SOX5: variants seen among roughly 807,000 people sequenced by gnomAD.
SOX5 encodes the protein transcription factor SOX-5.
A neutral mutation model predicts 92.0 loss-of-function variants in SOX5; 9 were observed. That is an observed-to-expected ratio of 0.10 (90% CI 0.06 to 0.17). The LOEUF (loss-of-function observed/expected upper bound fraction) is 0.17, where lower values mean the gene tolerates loss of function less well. Ranked by LOEUF, SOX5 falls within the 10% of genes least tolerant of loss-of-function variation. The pLI, the probability that SOX5 is intolerant of heterozygous loss-of-function variation, is 1.00. For missense variants in SOX5, 642 were observed against 944.5 expected (o/e 0.68, Z 4.20); for synonymous variants, 344 against 336.3 (o/e 1.02, Z -0.25).
chr12:24,023,381 T>C (rs1954532678), intron 4 of SOX5, among the ~76,000 whole-genome samples: 1 of 152,116 alleles, frequency 6.6e-6, no homozygotes, highest in South Asian at 2.1e-4. Context: ...ATGTTAAATT[T>C]TTCATATTAG....
chr12:24,398,626 G>C (rs1960681004), intron 1 of SOX5, among the ~76,000 whole-genome samples: 2 of 152,126 alleles, frequency 1.3e-5, no homozygotes, highest in South Asian at 4.1e-4. Flanking sequence ...AAAGAATGTT[G>C]AGAAAAAGAA....
chr12:23,653,389 C>A (rs993435673), intron 7 of SOX5, among the ~76,000 whole-genome samples: 1 of 151,812 alleles, frequency 6.6e-6, no homozygotes, highest in African/African-American at 2.4e-5. Flanking sequence ...GACTTGAGAC[C>A]CCTCACACTA....
At chr12:23,908,573 G>T (rs544672367) in intron 1 of SOX5, among the ~76,000 whole-genome samples, 1 of 151,506 alleles carries the variant, frequency 6.6e-6, no homozygotes, top group South Asian at 2.1e-4. Context: ...AGCAAGGAAC[G>T]TATATACAGT....
intron 4 of SOX5, among the ~76,000 whole-genome samples, chr12:24,077,682 T>C (rs1039949057): frequency 2.0e-5 from 3 of 149,778 alleles, no homozygotes; most frequent in African/African-American, 7.4e-5. Flanking sequence ...GCACACAACT[T>C]CAAAAGTCCA....
intron 10 of SOX5, among the ~76,000 whole-genome samples, chr12:23,568,463 C>T (rs1947547760): frequency 1.3e-5 from 2 of 152,162 alleles, no homozygotes; most frequent in Non-Finnish European, 2.9e-5. Context: ...ATCCCAAGAA[C>T]TGTAAAATAA....
At chr12:24,440,170 C>T (rs1474364470) in intron 1 of SOX5, among the ~76,000 whole-genome samples, 1 of 152,146 alleles carries the variant, frequency 6.6e-6, no homozygotes, top group Non-Finnish European at 1.5e-5. Flanking sequence ...CCAGTGCTGG[C>T]TCTTATGGTT....
chr12:23,769,244 A>G (rs2094842336), intron 3 of SOX5, among the ~76,000 whole-genome samples: 1 of 152,068 alleles, frequency 6.6e-6, no homozygotes, highest in African/African-American at 2.4e-5. Context: ...TTTAAAAAGT[A>G]CCTGATTTGA....
chr12:23,990,828 A>G (rs1356780780), intron 4 of SOX5, among the ~76,000 whole-genome samples: 1 of 152,136 alleles, frequency 6.6e-6, no homozygotes, highest in African/African-American at 2.4e-5. Context: ...TTTGCTGAAC[A>G]GATGTTATCT....
chr12:24,200,503 T>TG (rs567368135), intron 4 of SOX5, among the ~76,000 whole-genome samples: 3,935 of 151,566 alleles, frequency 0.026, 146 homozygotes, highest in African/African-American at 0.087. Context: ...TTTTTTTTTT[T>TG]AATTTGATCT....
chr12:24,437,456 C>T (rs1939665011), intron 1 of SOX5, among the ~76,000 whole-genome samples: 1 of 152,036 alleles, frequency 6.6e-6, no homozygotes, highest in Non-Finnish European at 1.5e-5. Context: ...GCAACAAAAG[C>T]CAAAATTGAC....
intron 3 of SOX5, among the ~76,000 whole-genome samples, chr12:23,819,908 T>C (rs2096073368): frequency 6.6e-6 from 1 of 152,228 alleles, no homozygotes; most frequent in Non-Finnish European, 1.5e-5. Context: ...CATGTGTCTT[T>C]ACAGTAGAAT....
intron 13 of SOX5, among the ~76,000 whole-genome samples, chr12:23,537,555 A>G (rs1940828270): frequency 6.6e-6 from 1 of 152,232 alleles, no homozygotes; most frequent in Non-Finnish European, 1.5e-5. Context: ...ATCAATTTCA[A>G]TAACATACAA....
At chr12:24,328,807 T>G (rs1950983544) in intron 2 of SOX5, among the ~76,000 whole-genome samples, 1 of 152,252 alleles carries the variant, frequency 6.6e-6, no homozygotes, top group Non-Finnish European at 1.5e-5. Flanking sequence ...ATCTGTTGTT[T>G]TAATACAACT....
At chr12:24,459,634 C>T (rs1385052538) in intron 1 of SOX5, among the ~76,000 whole-genome samples, 7 of 151,954 alleles carry the variant, frequency 4.6e-5, no homozygotes, top group East Asian at 1.9e-4. Flanking sequence ...AGAAAGAAAC[C>T]GACAGGAGTA....
At chr12:23,875,541 G>C (rs12307424) in intron 2 of SOX5, among the ~76,000 whole-genome samples, 6,250 of 152,026 alleles carry the variant, frequency 0.041, 412 homozygotes, top group African/African-American at 0.14. Context: ...AGGAGGGGAA[G>C]AAAGAGGAAG....
intron 6 of SOX5, among the ~76,000 whole-genome samples, chr12:23,704,712 A>G (rs2091143975): frequency 3.6e-5 from 5 of 137,682 alleles, no homozygotes. Flanking sequence ...ATATATATAT[A>G]TATACACACA....
At chr12:24,476,315 C>T (rs1945372425) in intron 1 of SOX5, among the ~76,000 whole-genome samples, 2 of 152,076 alleles carry the variant, frequency 1.3e-5, no homozygotes, top group Non-Finnish European at 2.9e-5. Flanking sequence ...ACTGTGTTTT[C>T]TACCAGCCTT....
At chr12:23,844,428 C>T (rs1406267019) in intron 3 of SOX5, among the ~76,000 whole-genome samples, 2 of 152,064 alleles carry the variant, frequency 1.3e-5, no homozygotes, top group African/African-American at 4.8e-5. Context: ...AAAACACATC[C>T]TAAGGTTAAG....
intron 2 of SOX5, among the ~76,000 whole-genome samples, chr12:23,881,631 A>C (rs991019397): frequency 1.3e-5 from 2 of 152,208 alleles, no homozygotes; most frequent in African/African-American, 4.8e-5. Context: ...CTTTCCTAGG[A>C]AAGATAGTTT....
Sources: gnomAD v4.1 joint callset for allele counts (sites outside exome capture counted in the v4.1 genomes callset) on GRCh38, gnomAD v4.1.1 for gene constraint, MANE v1.5 for transcripts, NCBI Gene and HGNC (gene_info 2026-07-23, HGNC 2026-07-21) for gene names.